Variants in ZNF155 observed in about 807,000 individuals in gnomAD.
ZNF155 encodes the protein zinc finger protein 155.
A neutral mutation model predicts 11.9 loss-of-function variants in ZNF155; 15 were observed. The observed-to-expected ratio is 1.26, with a 90% CI of 0.84 to 1.94. ZNF155 has a LOEUF of 1.94. Ranked by LOEUF, ZNF155 falls within the 30% of genes most tolerant of loss-of-function variation. ZNF155 has a pLI of 0.00. For synonymous variants in ZNF155, 212 were observed against 219.9 expected (o/e 0.96, Z 0.32); for missense variants, 602 against 639.1 (o/e 0.94, Z 0.63).
Position 43,996,338 on chromosome 19 carries a change from C to A in ZNF155, c.481C>A (p.Pro161Thr). The change falls in exon 5 of 5, where the codon CCC becomes ACC. Residue 161 changes from proline (P) to threonine (T), a missense_variant. Coordinates refer to ENST00000270014, the MANE Select transcript of ZNF155 (RefSeq NM_198089.3). The stretch of plus-strand genomic sequence containing the variant: ...GTGTAAACAGTCCATCAGTGATGTT[C>A]CCATCTTTGATCTTCCTCAGCAGTT... Reference protein sequence around the residue: ...GKCKQSISDVPIFDLPQQLYS... With the variant: ...GKCKQSISDVTIFDLPQQLYS... The A allele has an allele frequency of 2.5e-5, 40 of 1,614,188 alleles. No homozygotes were observed. The highest frequency in any genetic ancestry group is 3.4e-5 in the Non-Finnish European group (40 of 1,180,040).
rs146476510 is a variant in ZNF155 at position 43,996,899 on chromosome 19, C to G, written c.1042C>G (p.Gln348Glu). 11 of 1,613,778 alleles carry G rather than the reference C, an allele frequency of 6.8e-6. No individual in the cohort carries two copies. Among genetic ancestry groups the G allele is most frequent in the African/African-American group, 1.3e-5 (1 of 74,828 alleles). ...AGGAGAGAAACCGTACAGATGTGAG[C>G]AGTGTGGAAAAGGCTTTATTGGTAG... ...HTGEKPYRCEQCGKGFIGRLD... is the reference protein window; with the variant it reads ...HTGEKPYRCEECGKGFIGRLD... The change falls in exon 5 of 5, where the codon CAG (glutamine) becomes GAG (glutamate). Residue 348 changes from glutamine (Q) to glutamate (E), a missense_variant. Transcript: ENST00000270014.
rs779075981 is a variant in ZNF155 at position 43,991,875 on chromosome 19, TC to T, written c.178del (p.Leu60Ter). 6 of 1,613,966 alleles carry T rather than the reference TC, an allele frequency of 3.7e-6. No individual in the cohort carries two copies. Among genetic ancestry groups the T allele is most frequent in the Non-Finnish European group, 4.2e-6 (5 of 1,179,946 alleles). On this transcript the variant is annotated frameshift_variant, in exon 4 of 5. Transcript: ENST00000270014. LOFTEE classifies it high-confidence loss of function. ...HQPFHQDTCH[F>X]LREEKFWMMG... is the part of the protein sequence containing the mutation. Reference sequence around the variant, plus strand: ...CCGTTCCACCAAGATACTTGCCACTTCCTAAGGGAAGAAAAGTTTTGGATGA... The same window carrying T: ...CCGTTCCACCAAGATACTTGCCACTTCTAAGGGAAGAAAAGTTTTGGATGA...
rs565513318 is a variant in ZNF155 at position 43,991,768 on chromosome 19, A to T, written c.143-74A>T. 1.6e-5 allele frequency: 26 copies of T among 1,605,610 alleles called. No individual in the cohort carries two copies. In the Admixed American group the frequency reaches 2.0e-4, roughly 12 times the overall value. ...AGTTTGAGTGTGCATTGGGAACCTA[A>T]ATAGCCAGTAAATTTTGCCTAAATA... On this transcript the variant is annotated intron_variant, in intron 3 of 4. Coordinates refer to ENST00000270014, the MANE Select transcript of ZNF155 (RefSeq NM_198089.3).
chr19:43,989,414 G>A (rs941288416), intron 2 of ZNF155, among the ~76,000 whole-genome samples: 5 of 127,774 alleles, frequency 3.9e-5, no homozygotes, highest in African/African-American at 1.3e-4. Flanking sequence ...ACTCCTCAGC[G>A]CAGCGGAATG....
intron 4 of ZNF155, among the ~76,000 whole-genome samples, chr19:43,994,540 A>C (rs1379943680): frequency 1.3e-5 from 2 of 152,138 alleles, no homozygotes; most frequent in Non-Finnish European, 2.9e-5. Flanking sequence ...AATTTTCTAA[A>C]CTCTCAGAAC....
rs1291133185 is a variant in ZNF155 at position 43,996,369 on chromosome 19, CAGAAG to C, written c.518_522del (p.Glu173ValfsTer5). 8.7e-6 allele frequency: 14 copies of C among 1,614,014 alleles called. No individual in the cohort carries two copies. In the East Asian group the frequency reaches 1.8e-4, roughly 21 times the overall value. ...TTTGATCTTCCTCAGCAGTTATACT[CAGAAG>C]AGAAGTCTTATACATGTGATGAGTG... On this transcript the variant is annotated frameshift_variant, in exon 5 of 5. Coordinates refer to ENST00000270014, the MANE Select transcript of ZNF155 (RefSeq NM_198089.3). LOFTEE classifies it low-confidence loss of function (END_TRUNC).
At chr19:43,994,766 T>G (rs1975776121) in intron 4 of ZNF155, among the ~76,000 whole-genome samples, 1 of 152,240 alleles carries the variant, frequency 6.6e-6, no homozygotes, top group South Asian at 2.1e-4. Flanking sequence ...ACCTAAGTGC[T>G]GGGATCCAGA....
rs1286187442 is a variant in ZNF155 at position 43,996,778 on chromosome 19, C to A, written c.921C>A (p.Ser307=). Residue 307 remains serine (S), a synonymous_variant, in exon 5 of 5, where the codon TCC becomes TCA. Coordinates refer to ENST00000270014, the MANE Select transcript of ZNF155 (RefSeq NM_198089.3). ...TTAGGTCAAGACTTAAGAGCCATTC[C>A]ATGGTTCACACAGGAGAAAAACCAT... is the stretch of plus-strand genomic sequence containing the variant. The part of the protein sequence containing the change: ...FYFRSRLKSH[S]MVHTGEKPFR... 1 of 1,613,908 alleles carries A rather than the reference C, an allele frequency of 6.2e-7. No homozygotes were observed. The highest frequency in any genetic ancestry group is 8.5e-7 in the Non-Finnish European group (1 of 1,180,014).
Position 43,998,170 on chromosome 19 carries a change from T to G in ZNF155, c.*696T>G, listed in dbSNP as rs1483025301. Reference sequence around the variant, plus strand: ...GGTCCCAGACCAAGCTGAATCACGCTTTCTCCAAGACAGCCCGCAGGCTAA... The same window carrying G: ...GGTCCCAGACCAAGCTGAATCACGCGTTCTCCAAGACAGCCCGCAGGCTAA... On this transcript the variant is annotated 3_prime_UTR_variant, in exon 5 of 5. Coordinates refer to ENST00000270014, the MANE Select transcript of ZNF155 (RefSeq NM_198089.3). The G allele has an allele frequency of 6.6e-6, 1 of 152,192 alleles. No individual in the cohort carries two copies. Among genetic ancestry groups the G allele is most frequent in the Non-Finnish European group, 1.5e-5 (1 of 68,074 alleles). The allele number at this position is 152,192 out of a possible 1,614,324, so 9.4% of individuals were successfully genotyped here. A position where few individuals can be genotyped will look rare whatever the true frequency, so the allele number is the denominator to read the frequency against.
intron 4 of ZNF155, among the ~76,000 whole-genome samples, chr19:43,994,321 TA>T (rs1256699048): frequency 5.9e-5 from 9 of 152,166 alleles, no homozygotes; most frequent in Admixed American, 5.9e-4. Context: ...TACAGAAAAG[TA>T]AGATGAAGTA....
intron 4 of ZNF155, among the ~76,000 whole-genome samples, chr19:43,994,147 A>G (rs897763123): frequency 6.6e-6 from 1 of 152,196 alleles, no homozygotes; most frequent in Non-Finnish European, 1.5e-5. Flanking sequence ...TATCTGCATC[A>G]TAGGCTTTCT....
chr19:43,997,162 G>A lies in ZNF155; in HGVS notation c.1305G>A (p.Lys435=), dbSNP rs767661139. 2.5e-6 allele frequency: 4 copies of A among 1,614,134 alleles called. No individual in the cohort carries two copies. The Admixed American group carries it at 6.7e-5, about 27-fold the overall frequency. ...EKPYKCEECG[K]GYVTKFNLDL... The stretch of plus-strand genomic sequence containing the variant: ...CATATAAATGTGAGGAGTGTGGGAA[G>A]GGCTATGTTACTAAGTTTAATCTTG... Residue 435 remains lysine (K), a synonymous_variant, in exon 5 of 5, where the codon AAG becomes AAA. Coordinates refer to ENST00000270014, the MANE Select transcript of ZNF155 (RefSeq NM_198089.3).
At position 43,996,199 on chromosome 19, in the gene ZNF155, T is replaced by G; in HGVS notation, c.342T>G (p.Ser114=). Residue 114 remains serine (S), a synonymous_variant, in exon 5 of 5, where the codon TCT becomes TCG. Coordinates refer to ENST00000270014, the MANE Select transcript of ZNF155 (RefSeq NM_198089.3). The part of the protein sequence containing the change: ...WEQIAKDLTR[S]QDSIINNSQF... Reference sequence around the variant, plus strand: ...AAATTGCAAAAGACTTAACCAGGTCTCAGGACTCTATCATAAATAACTCTC... The same window carrying G: ...AAATTGCAAAAGACTTAACCAGGTCGCAGGACTCTATCATAAATAACTCTC... The G allele has an allele frequency of 6.2e-7, 1 of 1,614,194 alleles. No homozygotes were observed.
chr19:43,985,816 A>T (rs1975421280), intron 1 of ZNF155, among the ~76,000 whole-genome samples: 1 of 152,182 alleles, frequency 6.6e-6, no homozygotes. Flanking sequence ...CTGGGATTAC[A>T]GGCGTGAGCC....
intron 4 of ZNF155, among the ~76,000 whole-genome samples, chr19:43,993,612 C>T (rs1487151072): frequency 2.0e-5 from 3 of 152,142 alleles, no homozygotes; most frequent in African/African-American, 7.2e-5. Flanking sequence ...TGGGGTTTCA[C>T]CACATTGGCC....
intron 2 of ZNF155, chr19:43,988,830 C>G (rs950034404): frequency 3.0e-6 from 1 of 332,756 alleles, no homozygotes. Context: ...CTCAAATTAT[C>G]TGTTTTTATC....
intron 2 of ZNF155, among the ~76,000 whole-genome samples, chr19:43,989,776 C>T (rs1234384836): frequency 6.6e-6 from 1 of 152,118 alleles, no homozygotes; most frequent in Non-Finnish European, 1.5e-5. Flanking sequence ...ATGCCTCACA[C>T]AATGTTACCA....
intron 1 of ZNF155, among the ~76,000 whole-genome samples, chr19:43,985,548 T>C (rs1568486084): frequency 1.3e-5 from 2 of 148,674 alleles, no homozygotes; most frequent in Admixed American, 6.7e-5. Context: ...TTTTTTTTTT[T>C]TTTTTTTCCT....
intron 2 of ZNF155, among the ~76,000 whole-genome samples, chr19:43,991,140 T>C (rs1485196630): frequency 2.0e-5 from 3 of 152,092 alleles, no homozygotes; most frequent in African/African-American, 7.2e-5. Context: ...TAGCAAATAC[T>C]AAAGAAAAGC....
Sources: gnomAD v4.1 joint callset for allele counts (sites outside exome capture counted in the v4.1 genomes callset) on GRCh38, gnomAD v4.1.1 for gene constraint, MANE v1.5 for transcripts, NCBI Gene and HGNC (gene_info 2026-07-23, HGNC 2026-07-21) for gene names.